The following DAB1 variants were observed in gnomAD, a reference collection of about 807,000 sequenced individuals.
DAB1 encodes the protein disabled homolog 1.
A neutral mutation model predicts 64.6 loss-of-function variants in DAB1; 15 were observed. That is an observed-to-expected ratio of 0.23 (90% CI 0.16 to 0.36). The LOEUF (loss-of-function observed/expected upper bound fraction) is 0.36, where lower values mean the gene tolerates loss of function less well. Ranked by LOEUF, DAB1 falls within the 10% of genes least tolerant of loss-of-function variation. The pLI is 1.00. For synonymous variants in DAB1, 235 were observed against 251.9 expected, an observed-to-expected ratio of 0.93 and a Z score of 0.64; for missense variants, 596 against 706.7, an observed-to-expected ratio of 0.84 and a Z score of 1.78.
At chr1:58,153,458 C>G (rs777581595) in intron 4 of DAB1, among the ~76,000 whole-genome samples, 1 of 152,168 alleles carries the variant, frequency 6.6e-6, no homozygotes, top group African/African-American at 2.4e-5. Context: ...TGAAATAGAT[C>G]CCAGCTGAAT....
In DAB1 at chr1:57,695,368, G is replaced by GA. The variant is rs1172233059; in HGVS notation, n.552-45704dup. On this transcript the variant is annotated intron_variant and non_coding_transcript_variant, in intron 6 of 20. Transcript: ENST00000485760. The stretch of plus-strand genomic sequence containing the variant: ...AGAAAGAAAGAAAAGAAAGAAGAAA[G>GA]AAAGAAAGAAAGAAAGAAAGAAAGA... 5.8e-3 allele frequency among the ~76,000 whole-genome samples: 279 copies of GA among 48,026 alleles called. 2 individuals carry two copies. The highest frequency in any genetic ancestry group is 0.016 in the Middle Eastern group (2 of 124). The allele number at this position is 48,026 out of a possible 152,430, so 31.5% of individuals were successfully genotyped here.
At chr1:57,207,636 G>A (rs1204871185) in intron 2 of DAB1, among the ~76,000 whole-genome samples, 1 of 149,646 alleles carries the variant, frequency 6.7e-6, no homozygotes, top group Non-Finnish European at 1.5e-5. Context: ...GTAGAGACGG[G>A]GTTTCACCGT....
intron 11 of DAB1, among the ~76,000 whole-genome samples, chr1:57,016,477 G>A (rs1296480658): frequency 6.6e-6 from 1 of 151,786 alleles, no homozygotes; most frequent in Non-Finnish European, 1.5e-5. Context: ...CCATAGTCTC[G>A]GCACTCAGGA....
At chr1:57,691,966 A>G (rs1438207542) in intron 6 of DAB1, among the ~76,000 whole-genome samples, 1 of 152,052 alleles carries the variant, frequency 6.6e-6, no homozygotes, top group Non-Finnish European at 1.5e-5. Flanking sequence ...GGGCTCTCTA[A>G]CAACCCCCAA....
At chr1:57,026,349 T>C (rs546937914) in intron 9 of DAB1, among the ~76,000 whole-genome samples, 2 of 152,314 alleles carry the variant, frequency 1.3e-5, no homozygotes, top group South Asian at 2.1e-4. Flanking sequence ...ATGCCAGCAA[T>C]GTCTCTCTTT....
intron 14 of DAB1, among the ~76,000 whole-genome samples, chr1:57,001,571 C>T (rs1032999420): frequency 6.6e-6 from 1 of 152,152 alleles, no homozygotes; most frequent in East Asian, 1.9e-4. Context: ...AGTCTCCTGC[C>T]TGAAACAGCC....
chr1:57,063,480 C>T (rs948141409), intron 8 of DAB1, among the ~76,000 whole-genome samples: 7 of 152,084 alleles, frequency 4.6e-5, no homozygotes, highest in African/African-American at 7.2e-5. Context: ...AAAAGGCCCA[C>T]GAGTGGTATG....
At chr1:58,167,700 G>A (rs183706553) in intron 4 of DAB1, among the ~76,000 whole-genome samples, 12 of 152,258 alleles carry the variant, frequency 7.9e-5, no homozygotes, top group East Asian at 1.9e-4. Context: ...GAGGGTCTGC[G>A]GCTTCATTCC....
intron 4 of DAB1, among the ~76,000 whole-genome samples, chr1:57,127,632 C>T (rs1460195237): frequency 3.3e-5 from 5 of 152,158 alleles, no homozygotes; most frequent in Admixed American, 2.6e-4. Context: ...CCCTGGCACC[C>T]AGTAGGTGCT....
chr1:57,948,335 T>C (rs1645214610), intron 5 of DAB1, among the ~76,000 whole-genome samples: 2 of 152,250 alleles, frequency 1.3e-5, no homozygotes, highest in Admixed American at 6.5e-5. Flanking sequence ...AGGTTGCTGA[T>C]GACTTTTATT....
At chr1:57,321,506 GCTCT>G (rs10533663) in intron 1 of DAB1, among the ~76,000 whole-genome samples, 68,256 of 151,596 alleles carry the variant, frequency 0.45, 16,246 homozygotes, top group East Asian at 0.89. Context: ...TTCGCATCCA[GCTCT>G]CTATCAGACT....
At chr1:57,256,484 A>G (rs934438280) in intron 2 of DAB1, among the ~76,000 whole-genome samples, 3 of 152,084 alleles carry the variant, frequency 2.0e-5, no homozygotes, top group South Asian at 2.1e-4. Context: ...TTCATTTTCC[A>G]CATTTACCCA....
rs966946343 is a variant in DAB1 at position 58,512,884 on chromosome 1, A to G, written n.108-6675T>C. ...TAAAATTATAAATTTAAGAGGGTAG[A>G]TCTCATGTTAAATGTACTTACTAAA... is the stretch of plus-strand genomic sequence containing the variant. On this transcript the variant is annotated intron_variant and non_coding_transcript_variant, in intron 2 of 20. Coordinates refer to the DAB1 transcript ENST00000485760. Among the ~76,000 whole-genome samples, 4 of 152,324 alleles carry G rather than the reference A, an allele frequency of 2.6e-5. No homozygotes were observed. The East Asian group carries it at 7.7e-4, about 29-fold the overall frequency.
At chr1:58,227,361 CTG>C (rs1659546718) in intron 4 of DAB1, among the ~76,000 whole-genome samples, 1 of 152,126 alleles carries the variant, frequency 6.6e-6, no homozygotes, top group Non-Finnish European at 1.5e-5. Context: ...GCATTGAAGA[CTG>C]GAGGAAATTT....
At chr1:58,404,597 T>C (rs1285431180) in intron 3 of DAB1, among the ~76,000 whole-genome samples, 1 of 152,064 alleles carries the variant, frequency 6.6e-6, no homozygotes, top group Admixed American at 6.6e-5. Context: ...AGCGGACTGT[T>C]AGGAAAAGCC....
intron 1 of DAB1, among the ~76,000 whole-genome samples, chr1:57,319,791 C>T (rs1181039808): frequency 6.6e-6 from 1 of 151,434 alleles, no homozygotes; most frequent in Non-Finnish European, 1.5e-5. Context: ...GTGGGAGTTC[C>T]TTCTGGGAAA....
At chr1:57,000,439 C>T (rs2101618970) in intron 14 of DAB1, among the ~76,000 whole-genome samples, 1 of 152,296 alleles carries the variant, frequency 6.6e-6, no homozygotes, top group East Asian at 1.9e-4. Context: ...TTCTAGTTTC[C>T]TCACAGTTCT....
chr1:58,382,905 A>G (rs1644402309), intron 3 of DAB1, among the ~76,000 whole-genome samples: 1 of 152,276 alleles, frequency 6.6e-6, no homozygotes, highest in South Asian at 2.1e-4. Context: ...CTGAGTGATC[A>G]CACTCCTCTC....
At chr1:57,031,977 T>C (rs999222262) in intron 9 of DAB1, among the ~76,000 whole-genome samples, 1 of 152,222 alleles carries the variant, frequency 6.6e-6, no homozygotes, top group Non-Finnish European at 1.5e-5. Context: ...CTTCGATGTT[T>C]AGGGAGGTAG....
Sources: gnomAD v4.1 joint callset for allele counts (sites outside exome capture counted in the v4.1 genomes callset) on GRCh38, gnomAD v4.1.1 for gene constraint, MANE v1.5 for transcripts, NCBI Gene and HGNC (gene_info 2026-07-23, HGNC 2026-07-21) for gene names.